SPTLC1: variants seen among roughly 807,000 people sequenced by gnomAD.
SPTLC1 encodes serine palmitoyltransferase long chain base subunit 1.
In SPTLC1, 55 loss-of-function variants were observed where a neutral mutation model predicts 68.9. The observed-to-expected ratio is 0.80, with a 90% CI of 0.64 to 1.00. SPTLC1 has a LOEUF of 1.00. Among genes scored for constraint, SPTLC1 ranks in the 50% least tolerant of loss-of-function variants. The pLI is 0.00. For missense variants in SPTLC1, 449 were observed against 573.1 expected (o/e 0.78, Z 2.21); for synonymous variants, 197 against 201.6 (o/e 0.98, Z 0.19).
At chr9:92,064,576 C>G (rs894210856) in intron 6 of SPTLC1, among the ~76,000 whole-genome samples, 1 of 152,178 alleles carries the variant, frequency 6.6e-6, no homozygotes. Context: ...CTATGCAATA[C>G]TATAAACATA....
In SPTLC1 at chr9:92,084,533, T is replaced by A. The variant is rs1425618637; in HGVS notation, c.261-3570A>T. On this transcript the variant is annotated intron_variant, in intron 3 of 14. Transcript: ENST00000262554. ...TTTGTCTTTGGTTCTGTTTATATGC[T>A]GGATTACATTTATTGATTTGCATAT... is the stretch of plus-strand genomic sequence containing the variant. 1.6e-4 allele frequency among the ~76,000 whole-genome samples: 24 copies of A among 152,302 alleles called. No individual in the cohort carries two copies. The East Asian group carries it at 4.4e-3, about 28-fold the overall frequency.
chr9:92,038,726 G>C (rs1166298160), intron 12 of SPTLC1, among the ~76,000 whole-genome samples: 1 of 152,218 alleles, frequency 6.6e-6, no homozygotes, highest in Non-Finnish European at 1.5e-5. Flanking sequence ...CCCTGTGTTG[G>C]CTGCATGTGC....
intron 8 of SPTLC1, chr9:92,055,046 G>T: frequency 5.9e-6 from 1 of 168,140 alleles, no homozygotes; most frequent in Non-Finnish European, 1.2e-5. Flanking sequence ...GTAACGCAGT[G>T]AGACCCCTAC....
chr9:92,072,322 C>T (rs1278038973), intron 5 of SPTLC1, among the ~76,000 whole-genome samples: 5 of 152,170 alleles, frequency 3.3e-5, no homozygotes, highest in Non-Finnish European at 5.9e-5. Flanking sequence ...CTCTTTTTCT[C>T]TCCTCAAAAT....
At chr9:92,071,227 T>TA (rs777594686) in intron 5 of SPTLC1, among the ~76,000 whole-genome samples, 29,987 of 101,054 alleles carry the variant, frequency 0.3, 3,909 homozygotes, top group Non-Finnish European at 0.33. Context: ...CTATCTCTAC[T>TA]AAAAAAAAAA....
chr9:92,053,356 T>C (rs941981582), intron 8 of SPTLC1, among the ~76,000 whole-genome samples: 3 of 152,204 alleles, frequency 2.0e-5, no homozygotes, highest in Non-Finnish European at 4.4e-5. Context: ...AGTATGTCAG[T>C]TCCTTATTAA....
intron 3 of SPTLC1, among the ~76,000 whole-genome samples, chr9:92,081,580 C>CT (rs1383383486): frequency 6.6e-6 from 1 of 152,170 alleles, no homozygotes; most frequent in African/African-American, 2.4e-5. Context: ...CCTGAAGGTA[C>CT]TTCCGTTAAG....
chr9:92,106,170 C>G (rs1015243208), intron 3 of SPTLC1, among the ~76,000 whole-genome samples: 1 of 152,224 alleles, frequency 6.6e-6, no homozygotes, highest in Non-Finnish European at 1.5e-5. Flanking sequence ...GCTGTGCAAC[C>G]TTCCAAGTGT....
intron 12 of SPTLC1, among the ~76,000 whole-genome samples, chr9:92,040,108 G>A (rs1223232874): frequency 1.3e-5 from 2 of 151,844 alleles, no homozygotes; most frequent in East Asian, 1.9e-4. Flanking sequence ...GGTGCCTCAC[G>A]CCTGTAATCC....
rs1486118181 is a variant in SPTLC1 at position 92,045,523 on chromosome 9, G to A, written c.1136+476C>T. Among the ~76,000 whole-genome samples the A allele has an allele frequency of 3.5e-3, 58 of 16,760 alleles. 2 individuals carry two copies. The Middle Eastern group carries it at 0.22, about 64-fold the overall frequency. 11.0% of individuals were successfully genotyped at this position (16,760 alleles called of 152,430 possible). Reference sequence around the variant, plus strand: ...AAAAAAAAAAAGTGACTCTTGTGTAGTAAAAAAAAAAAAAAAAAAAAAAAA... The same window carrying A: ...AAAAAAAAAAAGTGACTCTTGTGTAATAAAAAAAAAAAAAAAAAAAAAAAA... On this transcript the variant is annotated intron_variant, in intron 12 of 14. Transcript: ENST00000262554.
At chr9:92,049,519 G>A (rs1021073383) in intron 9 of SPTLC1, among the ~76,000 whole-genome samples, 1 of 152,092 alleles carries the variant, frequency 6.6e-6, no homozygotes, top group East Asian at 1.9e-4. Flanking sequence ...GCACGCACGC[G>A]TAACTGTATC....
At chr9:92,048,895 G>T (rs892452385) in intron 9 of SPTLC1, among the ~76,000 whole-genome samples, 1 of 152,200 alleles carries the variant, frequency 6.6e-6, no homozygotes, top group African/African-American at 2.4e-5. Context: ...TCAGGCGCTT[G>T]TGAGTATTTC....
chr9:92,066,844 G>A (rs951751470), intron 6 of SPTLC1, among the ~76,000 whole-genome samples: 1 of 151,688 alleles, frequency 6.6e-6, no homozygotes, highest in African/African-American at 2.4e-5. Flanking sequence ...GCTAGGTTTG[G>A]TGGTGGGTGC....
chr9:92,101,561 C>CA (rs61125464), intron 3 of SPTLC1, among the ~76,000 whole-genome samples: 498 of 45,910 alleles, frequency 0.011, 14 homozygotes, highest in Admixed American at 0.017. Flanking sequence ...GACTCCGTCT[C>CA]AAAAAAAAAA....
chr9:92,060,434 C>T (rs1028621248), intron 6 of SPTLC1, among the ~76,000 whole-genome samples: 1 of 152,070 alleles, frequency 6.6e-6, no homozygotes, highest in African/African-American at 2.4e-5. Context: ...ACCATGAAGA[C>T]ACCTGAAGCA....
Position 92,088,335 on chromosome 9 carries a change from G to C in SPTLC1, c.261-7372C>G, listed in dbSNP as rs182311930. Among the ~76,000 whole-genome samples the C allele has an allele frequency of 9.8e-4, 150 of 152,362 alleles. 3 individuals are homozygous for C. The East Asian group carries it at 0.019, about 20-fold the overall frequency. ...GAAATGCAGAAATCACCCGTCTTCT[G>C]CGTCGCTCACGCTGGGAGCTGTAGA... On this transcript the variant is annotated intron_variant, in intron 3 of 14. Coordinates refer to ENST00000262554, the MANE Select transcript of SPTLC1 (RefSeq NM_006415.4).
chr9:92,050,214 T>G (rs1386874714), intron 8 of SPTLC1, 147 bp from the exon 9 acceptor site: 7 of 639,708 alleles, frequency 1.1e-5, no homozygotes, highest in South Asian at 1.1e-4. Flanking sequence ...TTATTAAAAC[T>G]TATTTGCAAC....
chr9:92,086,104 C>T (rs1397767273), intron 3 of SPTLC1, among the ~76,000 whole-genome samples: 1 of 151,804 alleles, frequency 6.6e-6, no homozygotes, highest in Non-Finnish European at 1.5e-5. Context: ...GGTAGATCTT[C>T]CTCCATCCTT....
At chr9:92,098,575 G>GA (rs769531869) in intron 3 of SPTLC1, among the ~76,000 whole-genome samples, 2 of 150,854 alleles carry the variant, frequency 1.3e-5, no homozygotes, top group Admixed American at 6.6e-5. Flanking sequence ...TGTGCATATT[G>GA]AAAAAAAAGA....
Sources: gnomAD v4.1 joint callset for allele counts (sites outside exome capture counted in the v4.1 genomes callset) on GRCh38, gnomAD v4.1.1 for gene constraint, MANE v1.5 for transcripts, NCBI Gene and HGNC (gene_info 2026-07-23, HGNC 2026-07-21) for gene names.